ZNF695: variants seen among roughly 807,000 people sequenced by gnomAD.
ZNF695 encodes zinc finger protein SBZF3.
ZNF695 carries 11 observed loss-of-function variants against 11.2 expected under a neutral mutation model. The ratio of observed to expected loss-of-function variants is 0.98; its 90% CI spans 0.62 to 1.62. The LOEUF is 1.62. Ranked by LOEUF, ZNF695 falls within the 40% of genes most tolerant of loss-of-function variation. ZNF695 has a pLI of 0.00. For synonymous variants in ZNF695, 190 were observed against 201.4 expected (o/e 0.94, Z 0.48); for missense variants, 559 against 590.5 (o/e 0.95, Z 0.55).
In ZNF695 at chr1:246,988,512, G is replaced by A. The variant is rs567926693; in HGVS notation, c.260-257C>T. Reference sequence around the variant, plus strand: ...TACGCCTCACTGCAGACTTTTCACCGGAAAACTTACAGGCCAGGAGAGAGT... The same window carrying A: ...TACGCCTCACTGCAGACTTTTCACCAGAAAACTTACAGGCCAGGAGAGAGT... On this transcript the variant is annotated intron_variant, in intron 3 of 3. Coordinates refer to ENST00000339986, the MANE Select transcript of ZNF695 (RefSeq NM_020394.5). 5.9e-5 allele frequency among the ~76,000 whole-genome samples: 9 copies of A among 152,108 alleles called. No individual in the cohort carries two copies. The South Asian group carries it at 8.3e-4, about 14-fold the overall frequency.
At chr1:246,999,326 C>A (rs4384270) in intron 3 of ZNF695, 22 bp downstream of exon 3, 2 of 1,583,210 alleles carry the variant, frequency 1.3e-6, no homozygotes, top group South Asian at 2.2e-5. Flanking sequence ...TACCTGTGTT[C>A]GCTTCATTCA....
At position 246,998,977 on chromosome 1, in the gene ZNF695, AATATATATAT is replaced by A. The variant is rs6143721; in HGVS notation, c.259+361_259+370del. The stretch of plus-strand genomic sequence containing the variant: ...AACGAGACTCTGTCTCAAGAAAACA[AATATATATAT>A]ATATATATATATATATATATATATA... On this transcript the variant is annotated intron_variant, in intron 3 of 3. Transcript: ENST00000339986. 2.5e-3 allele frequency among the ~76,000 whole-genome samples: 364 copies of A among 144,340 alleles called. 2 individuals carry two copies. The highest frequency in any genetic ancestry group is 8.1e-3 in the African/African-American group (312 of 38,692). 94.7% of individuals were successfully genotyped at this position (144,340 alleles called of 152,430 possible).
rs1446318558 is a variant in ZNF695 at position 247,000,033 on chromosome 1, T to C, written c.45A>G (p.Pro15=). 1.2e-6 allele frequency: 2 copies of C among 1,612,036 alleles called. No individual in the cohort carries two copies. Among genetic ancestry groups the C allele is most frequent in the Non-Finnish European group, 1.7e-6 (2 of 1,179,570 alleles). Residue 15 remains proline (P), a synonymous_variant, in exon 2 of 4, where the codon CCA becomes CCG. Transcript: ENST00000339986. ...AFRDVALEFS[P]EEWECLDPAQ... ...CTGGGTCCAGGCATTCCCACTCCTC[T>C]GGAGAGAATTCTAGAGCCACATCCC...
chr1:246,986,678 A>T lies in ZNF695; in HGVS notation c.*289T>A. The T allele has an allele frequency of 2.7e-6, 3 of 1,099,230 alleles. No homozygotes were observed. Among genetic ancestry groups the T allele is most frequent in the Admixed American group, 4.7e-5 (1 of 21,504 alleles). 68.1% of individuals were successfully genotyped at this position (1,099,230 alleles called of 1,614,324 possible). A position where few individuals can be genotyped will look rare whatever the true frequency, so the allele number is the denominator to read the frequency against. On this transcript the variant is annotated 3_prime_UTR_variant, in exon 4 of 4. Transcript: ENST00000339986. ...ATTACATTTGTAGGGTTTCTCTCCA[A>T]TACAAAGTCTTTGAAATTGAATACA...
intron 3 of ZNF695, among the ~76,000 whole-genome samples, chr1:246,989,462 C>A (rs1668960951): frequency 6.6e-6 from 1 of 151,840 alleles, no homozygotes; most frequent in South Asian, 2.1e-4. Flanking sequence ...TACATCAAAC[C>A]AAAAAACATA....
Position 246,987,305 on chromosome 1 carries a change from C to T in ZNF695, c.1210G>A (p.Gly404Arg). ...YLIQHKRIHTGQKPYKCEECG... is the reference protein window; with the variant it reads ...YLIQHKRIHTRQKPYKCEECG... Reference sequence around the variant, plus strand: ...TCCTCACATTTGTAGGGTTTCTGCCCAGTATGAATTCTCTTATGCTGAATA... The same window carrying T: ...TCCTCACATTTGTAGGGTTTCTGCCTAGTATGAATTCTCTTATGCTGAATA... Residue 404 changes from glycine to arginine, a missense_variant, in exon 4 of 4, where the codon GGG becomes AGG. By Grantham distance (125) the Gly-to-Arg change is moderately radical. Transcript: ENST00000339986. 1 of 1,612,786 alleles carries T rather than the reference C, an allele frequency of 6.2e-7. No individual in the cohort carries two copies. The highest frequency in any genetic ancestry group is 8.5e-7 in the Non-Finnish European group (1 of 1,179,744).
At chr1:246,990,171 GGAAA>G (rs1426067562) in intron 3 of ZNF695, among the ~76,000 whole-genome samples, 2 of 138,428 alleles carry the variant, frequency 1.4e-5, no homozygotes, top group Admixed American at 1.6e-4. Context: ...GGAAAAGGAA[GGAAA>G]GAAAGGAAAG....
At chr1:246,973,861 A>T (rs929960454) in intron 4 of ZNF695, among the ~76,000 whole-genome samples, 1 of 152,078 alleles carries the variant, frequency 6.6e-6, no homozygotes, top group African/African-American at 2.4e-5. Flanking sequence ...ATTATATCCC[A>T]CCCATGTAGG....
At chr1:246,957,183 C>A (rs1479915662) in intron 5 of ZNF695, among the ~76,000 whole-genome samples, 1 of 151,998 alleles carries the variant, frequency 6.6e-6, no homozygotes, top group Non-Finnish European at 1.5e-5. Flanking sequence ...GAGATGGAGA[C>A]CATCCTGGCC....
intron 5 of ZNF695, among the ~76,000 whole-genome samples, chr1:246,967,249 T>C (rs1668313081): frequency 6.6e-6 from 1 of 152,150 alleles, no homozygotes; most frequent in South Asian, 2.1e-4. Context: ...AAACGTTACA[T>C]ATTAAAAGGA....
chr1:246,978,582 T>C (rs1668625763), intron 4 of ZNF695, among the ~76,000 whole-genome samples: 1 of 152,202 alleles, frequency 6.6e-6, no homozygotes, highest in African/African-American at 2.4e-5. Flanking sequence ...GTGGAGTCGG[T>C]CAGACCTATT....
intron 5 of ZNF695, among the ~76,000 whole-genome samples, chr1:246,964,674 CA>C (rs2103007847): frequency 6.6e-6 from 1 of 152,226 alleles, no homozygotes; most frequent in South Asian, 2.1e-4. Flanking sequence ...AGTTCAAGAC[CA>C]GCCTGGCCAG....
At chr1:247,002,707 CA>C (rs1218545116) in intron 1 of ZNF695, among the ~76,000 whole-genome samples, 1 of 151,932 alleles carries the variant, frequency 6.6e-6, no homozygotes, top group East Asian at 1.9e-4. Context: ...CACTTGAACC[CA>C]GGGGGCAGAG....
chr1:246,991,338 C>T (rs746754582), intron 3 of ZNF695, among the ~76,000 whole-genome samples: 1 of 151,932 alleles, frequency 6.6e-6, no homozygotes, highest in Non-Finnish European at 1.5e-5. Context: ...GAAGAGACAA[C>T]CCAGAGAATG....
intron 4 of ZNF695, among the ~76,000 whole-genome samples, chr1:246,972,040 C>A (rs77655701): frequency 1.3e-5 from 2 of 152,206 alleles, no homozygotes; most frequent in African/African-American, 4.8e-5. Flanking sequence ...CCGGCTCAGA[C>A]AACTTGCCCC....
Position 246,987,436 on chromosome 1 carries a change from G to C in ZNF695, c.1079C>G (p.Ala360Gly), listed in dbSNP as rs370174702. 1.2e-6 allele frequency: 2 copies of C among 1,612,410 alleles called. No homozygotes were observed. Among genetic ancestry groups the C allele is most frequent in the African/African-American group, 2.7e-5 (2 of 74,806 alleles). Residue 360 changes from alanine (A) to glycine (G), a missense_variant, in exon 4 of 4, where the codon GCC (alanine) becomes GGC (glycine). By Grantham distance (60) the Ala-to-Gly change is moderately conservative. Coordinates refer to ENST00000339986, the MANE Select transcript of ZNF695 (RefSeq NM_020394.5). ...AGTCAGATGTGAGCTCTGGTTAAAG[G>C]CTTTTCCACATTCTTCACATCGGAA... ...KTFRCEECGK[A>G]FNQSSHLTEH...
intron 4 of ZNF695, chr1:246,968,169 C>T (rs139208764): frequency 6.6e-6 from 1 of 152,438 alleles, no homozygotes; most frequent in East Asian, 1.9e-4. Flanking sequence ...AAATCAAAAG[C>T]AAGTTAGTTA....
Position 246,988,817 on chromosome 1 carries a change from G to A in ZNF695, c.260-562C>T, listed in dbSNP as rs145476171. On this transcript the variant is annotated intron_variant, in intron 3 of 3. Transcript: ENST00000339986. ...CTAAAAATATGACATTAGGCCGGGC[G>A]CGGTGGCTCACGCCTGTAATCCCAG... 4.1e-3 allele frequency among the ~76,000 whole-genome samples: 631 copies of A among 152,242 alleles called. 18 individuals are homozygous for A. Among genetic ancestry groups the A allele is most frequent in the Admixed American group, 0.028 (434 of 15,296 alleles).
At chr1:246,980,386 T>C (rs1023756909), downstream of ZNF695, among the ~76,000 whole-genome samples, 5 of 150,242 alleles carry the variant, frequency 3.3e-5, no homozygotes, top group Non-Finnish European at 7.4e-5. Flanking sequence ...AGTAATGAAA[T>C]ATGCAAACTA....
Sources: gnomAD v4.1 joint callset for allele counts (sites outside exome capture counted in the v4.1 genomes callset) on GRCh38, gnomAD v4.1.1 for gene constraint, MANE v1.5 for transcripts, NCBI Gene and HGNC (gene_info 2026-07-23, HGNC 2026-07-21) for gene names.